PLCB1: variants seen among roughly 807,000 people sequenced by gnomAD.
The protein encoded by PLCB1 is 1-phosphatidylinositol 4,5-bisphosphate phosphodiesterase beta-1.
Under a neutral mutation model 161.8 loss-of-function variants are expected in PLCB1, and 46 were observed. The observed-to-expected ratio is 0.28, with a 90% CI of 0.22 to 0.36. The LOEUF (loss-of-function observed/expected upper bound fraction) is 0.36. PLCB1 is among the 10% of genes least tolerant of loss of function. The pLI, the probability that PLCB1 is intolerant of heterozygous loss-of-function variation, is 1.00. For synonymous variants in PLCB1, 517 were observed against 503.7 expected (o/e 1.03, Z -0.35); for missense variants, 1,016 against 1,472.5 (o/e 0.69, Z 5.07).
At chr20:8,818,655 A>G (rs759956102) in intron 31 of PLCB1, among the ~76,000 whole-genome samples, 1 of 152,222 alleles carries the variant, frequency 6.6e-6, no homozygotes, top group African/African-American at 2.4e-5. Context: ...ATATAACATC[A>G]TAACAAGTAA....
At chr20:8,243,608 A>T (rs184320766) in intron 2 of PLCB1, among the ~76,000 whole-genome samples, 3 of 152,042 alleles carry the variant, frequency 2.0e-5, no homozygotes, top group African/African-American at 7.2e-5. Flanking sequence ...TGCTTACTTT[A>T]TTTAACTCCA....
chr20:8,836,533 T>C (rs191803352), intron 31 of PLCB1, among the ~76,000 whole-genome samples: 10 of 91,326 alleles, frequency 1.1e-4, no homozygotes, highest in Admixed American at 7.0e-4. Flanking sequence ...CCTGAATTGG[T>C]TCTGAGGTTT....
At position 8,246,139 on chromosome 20, in the gene PLCB1, C is replaced by T. The variant is rs1225548172; in HGVS notation, c.177+95768C>T. Among the ~76,000 whole-genome samples the T allele has an allele frequency of 2.6e-5, 4 of 151,836 alleles. No homozygotes were observed. In the East Asian group the frequency reaches 7.8e-4, roughly 30 times the overall value. ...TCATAAAAAATACTAAAATTTAAAA[C>T]ACAAAAGACATGCATCAGATAGCTA... On this transcript the variant is annotated intron_variant, in intron 2 of 31. Coordinates refer to ENST00000338037, the MANE Select transcript of PLCB1 (RefSeq NM_015192.4).
rs1294595041 is a variant in PLCB1, at chr20:8,371,747, T to C, written c.246+297T>C. The C allele has an allele frequency of 1.5e-5, 4 of 275,436 alleles. No individual in the cohort carries two copies. In the Admixed American group the frequency reaches 2.0e-4, roughly 13 times the overall value. 17.1% of individuals were successfully genotyped at this position (275,436 alleles called of 1,614,324 possible). On this transcript the variant is annotated intron_variant, in intron 3 of 31. Coordinates refer to ENST00000338037, the MANE Select transcript of PLCB1 (RefSeq NM_015192.4). ...TAATTCTAAATGATTAAAAAGTACT[T>C]GAAATTATTTGAAAAAATCTTTGAA...
At chr20:8,484,844 T>G (rs1982654767) in intron 3 of PLCB1, among the ~76,000 whole-genome samples, 1 of 152,164 alleles carries the variant, frequency 6.6e-6, no homozygotes, top group African/African-American at 2.4e-5. Context: ...TCTACCCCAA[T>G]TCAAATAGAA....
At chr20:8,414,237 G>T (rs1392597958) in intron 3 of PLCB1, among the ~76,000 whole-genome samples, 1 of 151,810 alleles carries the variant, frequency 6.6e-6, no homozygotes, top group Non-Finnish European at 1.5e-5. Flanking sequence ...TTTTTATTTG[G>T]GATAATAAAA....
intron 3 of PLCB1, among the ~76,000 whole-genome samples, chr20:8,407,772 G>T (rs761712135): frequency 1.3e-5 from 2 of 151,966 alleles, no homozygotes; most frequent in Admixed American, 6.6e-5. Flanking sequence ...TCATGTTGCT[G>T]GTTTGTAACC....
In PLCB1 at chr20:8,810,991, A is replaced by T. The variant is rs556349411; in HGVS notation, c.3423+20730A>T. ...CTGTCTCAAAAATAAATAAATAAAT[A>T]GTCTGGAAGGATAGAAAAAGCAAGT... On this transcript the variant is annotated intron_variant, in intron 31 of 31. Coordinates refer to ENST00000338037, the MANE Select transcript of PLCB1 (RefSeq NM_015192.4). 2.0e-5 allele frequency among the ~76,000 whole-genome samples: 3 copies of T among 152,288 alleles called. No homozygotes were observed. In the South Asian group the frequency reaches 6.2e-4, roughly 32 times the overall value.
At chr20:8,201,669 C>G (rs2052092749) in intron 2 of PLCB1, among the ~76,000 whole-genome samples, 1 of 152,122 alleles carries the variant, frequency 6.6e-6, no homozygotes, top group Non-Finnish European at 1.5e-5. Flanking sequence ...TAAGGATTTA[C>G]TTTCTCAAGC....
chr20:8,424,087 T>C (rs1411433500), intron 3 of PLCB1, among the ~76,000 whole-genome samples: 4 of 152,146 alleles, frequency 2.6e-5, no homozygotes, highest in African/African-American at 7.2e-5. Context: ...AATTCCTTAT[T>C]GGCCTTGGTA....
chr20:8,543,330 G>T (rs1296796369), intron 3 of PLCB1, among the ~76,000 whole-genome samples: 1 of 152,088 alleles, frequency 6.6e-6, no homozygotes, highest in Non-Finnish European at 1.5e-5. Context: ...TGCTCTGAGT[G>T]GGGTGGCAAA....
chr20:8,368,764 T>C (rs1039761762), intron 2 of PLCB1, among the ~76,000 whole-genome samples: 1 of 152,142 alleles, frequency 6.6e-6, no homozygotes, highest in Non-Finnish European at 1.5e-5. Context: ...ATGCTCCATA[T>C]ACCTCTGTGA....
At chr20:8,263,723 A>G (rs1981820695) in intron 2 of PLCB1, among the ~76,000 whole-genome samples, 1 of 152,178 alleles carries the variant, frequency 6.6e-6, no homozygotes, top group South Asian at 2.1e-4. Flanking sequence ...TCATGTATCT[A>G]AATGTATGTA....
At chr20:8,393,485 A>G (rs921113281) in intron 3 of PLCB1, among the ~76,000 whole-genome samples, 1 of 152,100 alleles carries the variant, frequency 6.6e-6, no homozygotes, top group African/African-American at 2.4e-5. Flanking sequence ...CCAAAGCCCT[A>G]TCTCTTAAAA....
At chr20:8,479,618 G>T (rs1982417754) in intron 3 of PLCB1, among the ~76,000 whole-genome samples, 1 of 152,154 alleles carries the variant, frequency 6.6e-6, no homozygotes, top group Non-Finnish European at 1.5e-5. Context: ...GTGATAGATG[G>T]TGTTATTTAT....
intron 9 of PLCB1, among the ~76,000 whole-genome samples, chr20:8,672,326 A>G (rs1390142726): frequency 6.6e-6 from 1 of 152,146 alleles, no homozygotes; most frequent in African/African-American, 2.4e-5. Context: ...ATTGTTAAAC[A>G]ATATGCTGGA....
chr20:8,437,845 G>C (rs985087310), intron 3 of PLCB1, among the ~76,000 whole-genome samples: 6 of 152,108 alleles, frequency 3.9e-5, no homozygotes, highest in African/African-American at 7.2e-5. Flanking sequence ...GGAAATCCTT[G>C]AAAACTTAGT....
intron 2 of PLCB1, among the ~76,000 whole-genome samples, chr20:8,326,782 A>G (rs545901770): frequency 6.6e-6 from 1 of 152,324 alleles, no homozygotes; most frequent in Admixed American, 6.5e-5. Context: ...AGACCTGCTT[A>G]TTGGGTCTGA....
chr20:8,163,126 G>C (rs2051641967), intron 2 of PLCB1, among the ~76,000 whole-genome samples: 1 of 152,208 alleles, frequency 6.6e-6, no homozygotes, highest in Admixed American at 6.5e-5. Flanking sequence ...ACCCCAGAAA[G>C]TGTGGGCAGG....
Sources: allele counts gnomAD v4.1 joint callset (sites outside exome capture counted in the v4.1 genomes callset), GRCh38; gene constraint gnomAD v4.1.1; transcripts MANE v1.5; gene names NCBI Gene and HGNC (gene_info 2026-07-23, HGNC 2026-07-21).